Variants in SLC26A3 observed in about 807,000 individuals in gnomAD.
SLC26A3 encodes the protein solute carrier family 26 member 3.
In SLC26A3, 64 loss-of-function variants were observed where a neutral mutation model predicts 85.6. That is an observed-to-expected ratio of 0.75 (90% CI 0.61 to 0.92). The LOEUF (loss-of-function observed/expected upper bound fraction) is 0.92, where lower values mean the gene tolerates loss of function less well. Ranked by LOEUF, SLC26A3 falls within the 40% of genes least tolerant of loss-of-function variation. The pLI, the probability that SLC26A3 is intolerant of heterozygous loss-of-function variation, is 0.00. For synonymous variants in SLC26A3, 349 were observed against 336.0 expected (o/e 1.04, Z -0.42); for missense variants, 922 against 927.3 (o/e 0.99, Z 0.07).
At chr7:107,786,744 G>A in intron 8 of SLC26A3, 83 bp downstream of exon 8, 1 of 1,141,380 alleles carries the variant, frequency 8.8e-7, no homozygotes, top group Non-Finnish European at 1.3e-6. Flanking sequence ...AGGCTGAACT[G>A]CAGTTCGGAT....
At chr7:107,774,586 G>C (rs1794080465) in intron 16 of SLC26A3, among the ~76,000 whole-genome samples, 191 bp downstream of exon 16, 1 of 152,108 alleles carries the variant, frequency 6.6e-6, no homozygotes, top group Non-Finnish European at 1.5e-5. Context: ...AATTGTGTTT[G>C]GTACTTTTCC....
intron 3 of SLC26A3, among the ~76,000 whole-genome samples, chr7:107,792,212 A>G (rs1415450986): frequency 6.6e-6 from 1 of 152,170 alleles, no homozygotes; most frequent in Non-Finnish European, 1.5e-5. Context: ...GGCACCAGAG[A>G]CTGGTTTTGT....
At chr7:107,766,435 C>T (rs1457158694) in intron 20 of SLC26A3, among the ~76,000 whole-genome samples, 4 of 152,066 alleles carry the variant, frequency 2.6e-5, no homozygotes, top group African/African-American at 7.2e-5. Context: ...TTATAAGGTA[C>T]TCAGGCAAGG....
At chr7:107,775,133 T>G (rs1041613033) in intron 15 of SLC26A3, among the ~76,000 whole-genome samples, 1 of 152,212 alleles carries the variant, frequency 6.6e-6, no homozygotes, top group Non-Finnish European at 1.5e-5. Context: ...TATCCATGAA[T>G]GGACATAAAC....
intron 5 of SLC26A3, 123 bp from the exon 6 acceptor site, chr7:107,789,811 G>C (rs1237516525): frequency 1.9e-6 from 2 of 1,050,612 alleles, no homozygotes; most frequent in Admixed American, 2.3e-5. Flanking sequence ...TACATGCCTT[G>C]AAGAAGCAAA....
At chr7:107,772,015 G>C in intron 18 of SLC26A3, 39 bp downstream of exon 18, 1 of 1,409,580 alleles carries the variant, frequency 7.1e-7, no homozygotes, top group Non-Finnish European at 1.0e-6. Context: ...TGAGCCTGAA[G>C]TGATTGTCAG....
intron 1 of SLC26A3, among the ~76,000 whole-genome samples, chr7:107,798,143 A>G (rs190905448): frequency 7.9e-5 from 12 of 151,344 alleles, no homozygotes; most frequent in Non-Finnish European, 2.9e-5. Flanking sequence ...GGCCTTTATG[A>G]TATATATATT....
intron 18 of SLC26A3, among the ~76,000 whole-genome samples, chr7:107,768,845 T>C (rs75697104): frequency 6.6e-6 from 1 of 152,268 alleles, no homozygotes; most frequent in African/African-American, 2.4e-5. Context: ...GTTATGAAGA[T>C]GGATTCTTCT....
intron 1 of SLC26A3, among the ~76,000 whole-genome samples, chr7:107,797,382 T>C (rs1257248366): frequency 6.6e-6 from 1 of 152,102 alleles, no homozygotes; most frequent in Non-Finnish European, 1.5e-5. Context: ...TAATCTGAGT[T>C]ACTCGGGAGG....
chr7:107,802,742 C>CTTTTTTTTTTTTTT (rs35087147), intron 1 of SLC26A3, among the ~76,000 whole-genome samples: 2 of 110,766 alleles, frequency 1.8e-5, no homozygotes, highest in African/African-American at 7.0e-5. Context: ...TTAAAGCTTG[C>CTTTTTTTTTTTTTT]TTTTTTTTTT....
Position 107,791,040 on chromosome 7 carries a change from G to T in SLC26A3, c.570+8C>A. The T allele has an allele frequency of 6.2e-7, 1 of 1,613,112 alleles. No homozygotes were observed. The highest frequency in any genetic ancestry group is 2.2e-5 in the East Asian group (1 of 44,870). ...TGAGGTGGGCAAGTTACATGAGAAG[G>T]TGCTCACCTGGATGATTCCAGAAAG... is the stretch of plus-strand genomic sequence containing the variant. On this transcript the variant is annotated splice_region_variant and intron_variant, in intron 5 of 20. Transcript: ENST00000340010.
At chr7:107,785,815 T>TA (rs202148239) in intron 8 of SLC26A3, among the ~76,000 whole-genome samples, 2,096 of 151,918 alleles carry the variant, frequency 0.014, 56 homozygotes, top group African/African-American at 0.047. Flanking sequence ...TGTTTTAAAG[T>TA]AAAAAAAATA....
intron 15 of SLC26A3, among the ~76,000 whole-genome samples, chr7:107,775,778 G>A (rs975511528): frequency 1.3e-5 from 2 of 151,826 alleles, no homozygotes; most frequent in South Asian, 2.1e-4. Context: ...TAGAGTAATC[G>A]AAAAGGGCAG....
intron 18 of SLC26A3, among the ~76,000 whole-genome samples, chr7:107,770,430 T>C (rs558185073): frequency 6.6e-6 from 1 of 150,982 alleles, no homozygotes; most frequent in African/African-American, 2.4e-5. Context: ...CTAACATTTT[T>C]TTTTTTTTTT....
chr7:107,799,244 T>A (rs1182817821), intron 1 of SLC26A3, among the ~76,000 whole-genome samples: 1 of 152,132 alleles, frequency 6.6e-6, no homozygotes, highest in African/African-American at 2.4e-5. Context: ...AAGAAGGAAG[T>A]CAAACCTAAA....
At chr7:107,798,612 A>G (rs1794551041) in intron 1 of SLC26A3, among the ~76,000 whole-genome samples, 1 of 152,186 alleles carries the variant, frequency 6.6e-6, no homozygotes. Context: ...ATTTGAAACC[A>G]GCAGACAAGC....
chr7:107,793,060 G>C (rs1794428873), intron 3 of SLC26A3, among the ~76,000 whole-genome samples: 1 of 152,180 alleles, frequency 6.6e-6, no homozygotes, highest in Non-Finnish European at 1.5e-5. Context: ...CACTCACTGG[G>C]ATAGCTAAAA....
Position 107,789,659 on chromosome 7 carries a change from A to T in SLC26A3, c.600T>A (p.Phe200Leu). ...QLAFGILRIG[F>L]VVIYLSESLI... ...GGGACTCAGACAGGTATATCACTAC[A>T]AATCCAATCCGCAGAATCCCAAAAG... Residue 200 changes from phenylalanine to leucine, a missense_variant, in exon 6 of 21, where the codon TTT becomes TTA. Physicochemically the swap from Phe to Leu is conservative, Grantham distance 22. Transcript: ENST00000340010. 6.2e-7 allele frequency: 1 copy of T among 1,614,028 alleles called. No individual in the cohort carries two copies.
chr7:107,789,640 C>T lies in SLC26A3; in HGVS notation c.619G>A (p.Glu207Lys), dbSNP rs1244609537. The change falls in exon 6 of 21, where the codon GAG becomes AAG. Residue 207 changes from glutamate (E) to lysine (K), a missense_variant. Glu to Lys is a moderately conservative substitution (Grantham distance 56). Coordinates refer to ENST00000340010, the MANE Select transcript of SLC26A3 (RefSeq NM_000111.3). The stretch of plus-strand genomic sequence containing the variant: ...GTAGTGAAGCCACTGATGAGGGACT[C>T]AGACAGGTATATCACTACAAATCCA... ...RIGFVVIYLS[E>K]SLISGFTTAA... 6.2e-7 allele frequency: 1 copy of T among 1,614,020 alleles called. No homozygotes were observed. Among genetic ancestry groups the T allele is most frequent in the East Asian group, 2.2e-5 (1 of 44,882 alleles).
Sources: allele counts gnomAD v4.1 joint callset (sites outside exome capture counted in the v4.1 genomes callset), GRCh38; gene constraint gnomAD v4.1.1; transcripts MANE v1.5; gene names NCBI Gene and HGNC (gene_info 2026-07-23, HGNC 2026-07-21).